PIBF1: variants seen among roughly 807,000 people sequenced by gnomAD.
The protein encoded by PIBF1 is progesterone immunomodulatory binding factor 1.
PIBF1 carries 90 observed loss-of-function variants against 112.5 expected under a neutral mutation model. That is an observed-to-expected ratio of 0.80 (90% CI 0.67 to 0.95). The LOEUF (loss-of-function observed/expected upper bound fraction) is 0.95. PIBF1 is among the 40% of genes least tolerant of loss of function. The pLI is 0.00. For missense variants in PIBF1, 915 were observed against 852.3 expected (o/e 1.07, Z -0.92); for synonymous variants, 301 against 288.6 (o/e 1.04, Z -0.44).
At chr13:73,002,930 C>G (rs2043916288) in intron 17 of PIBF1, among the ~76,000 whole-genome samples, 2 of 123,506 alleles carry the variant, frequency 1.6e-5, no homozygotes, top group African/African-American at 6.4e-5. Flanking sequence ...GTTGCATGAG[C>G]CAAGATCATG....
chr13:72,829,148 G>A (rs1291001259), intron 8 of PIBF1, among the ~76,000 whole-genome samples: 2 of 152,118 alleles, frequency 1.3e-5, no homozygotes, highest in Non-Finnish European at 2.9e-5. Flanking sequence ...TTGTAAATTT[G>A]TTTAAGTTCT....
intron 10 of PIBF1, among the ~76,000 whole-genome samples, chr13:72,863,429 A>G (rs1183648239): frequency 6.6e-6 from 1 of 152,086 alleles, no homozygotes; most frequent in Non-Finnish European, 1.5e-5. Flanking sequence ...AGGTGGGCGG[A>G]TCACGAGGTC....
Position 72,876,134 on chromosome 13 carries a change from C to CTT in PIBF1, c.1323-17632_1323-17631dup, listed in dbSNP as rs386363749. Among the ~76,000 whole-genome samples, 13 of 91,212 alleles carry CTT rather than the reference C, an allele frequency of 1.4e-4. 1 individual carries two copies. The highest frequency in any genetic ancestry group is 2.2e-4 in the Non-Finnish European group (11 of 50,430). 59.8% of individuals were successfully genotyped at this position (91,212 alleles called of 152,430 possible). ...AAAGGTGTAAGTCTGTGTTCAGATT[C>CTT]TTTTTTTTTTTTTTTTTTTGCATGT... On this transcript the variant is annotated intron_variant, in intron 10 of 17. Coordinates refer to ENST00000326291, the MANE Select transcript of PIBF1 (RefSeq NM_006346.4).
At chr13:72,981,188 G>C (rs1361639501) in intron 16 of PIBF1, among the ~76,000 whole-genome samples, 2 of 151,788 alleles carry the variant, frequency 1.3e-5, no homozygotes, top group Non-Finnish European at 2.9e-5. Flanking sequence ...GAGGTTGGAG[G>C]TTGCAGTGAA....
chr13:72,899,677 C>G (rs1269036114), intron 11 of PIBF1, among the ~76,000 whole-genome samples: 3 of 152,046 alleles, frequency 2.0e-5, no homozygotes, highest in Non-Finnish European at 4.4e-5. Flanking sequence ...TGAAAGCATC[C>G]CTGCTGAGAA....
intron 8 of PIBF1, among the ~76,000 whole-genome samples, chr13:72,831,640 T>A (rs752502448): frequency 1.3e-4 from 20 of 152,202 alleles, no homozygotes; most frequent in Non-Finnish European, 2.9e-4. Context: ...CAGTTTGTTA[T>A]GATTTCTGTT....
chr13:72,804,874 T>G (rs1189553277), intron 5 of PIBF1, among the ~76,000 whole-genome samples: 1 of 152,186 alleles, frequency 6.6e-6, no homozygotes, highest in East Asian at 1.9e-4. Flanking sequence ...TAAAAGGAAG[T>G]GTTACTTTGT....
chr13:72,851,058 T>C (rs189347927), intron 9 of PIBF1, among the ~76,000 whole-genome samples: 199 of 152,336 alleles, frequency 1.3e-3, no homozygotes, highest in African/African-American at 4.4e-3. Context: ...GTTGTTAATA[T>C]TGATGGCAGC....
At chr13:73,008,756 C>T (rs762548615) in intron 17 of PIBF1, among the ~76,000 whole-genome samples, 2 of 152,208 alleles carry the variant, frequency 1.3e-5, no homozygotes, top group Non-Finnish European at 2.9e-5. Context: ...TGGCTAGAAC[C>T]TGTGCTTTAA....
At chr13:72,791,923 C>G (rs914854288) in intron 2 of PIBF1, among the ~76,000 whole-genome samples, 1 of 151,642 alleles carries the variant, frequency 6.6e-6, no homozygotes. Context: ...CGTGAGCCAC[C>G]GCACCCAGCT....
intron 12 of PIBF1, among the ~76,000 whole-genome samples, chr13:72,912,783 G>A (rs1273170740): frequency 1.3e-5 from 2 of 151,974 alleles, no homozygotes; most frequent in Admixed American, 6.6e-5. Flanking sequence ...TCACTGGAAG[G>A]AAACAATTGA....
At chr13:72,934,716 T>C (rs1173922004) in intron 14 of PIBF1, among the ~76,000 whole-genome samples, 1 of 152,166 alleles carries the variant, frequency 6.6e-6, no homozygotes, top group Non-Finnish European at 1.5e-5. Flanking sequence ...AATACTCCCC[T>C]TTTTAGCAGC....
intron 16 of PIBF1, among the ~76,000 whole-genome samples, chr13:72,987,949 GCC>G (rs1179794965): frequency 4.0e-4 from 50 of 124,806 alleles, no homozygotes; most frequent in Admixed American, 1.8e-3. Flanking sequence ...TGCAACCTCC[GCC>G]CCCCGGGTTT....
At chr13:72,853,983 G>A in intron 9 of PIBF1, 74 bp from the exon 10 acceptor site, 1 of 1,118,236 alleles carries the variant, frequency 8.9e-7, no homozygotes, top group South Asian at 1.3e-5. Flanking sequence ...AAGATTGTCA[G>A]ATAGTCCATC....
intron 11 of PIBF1, among the ~76,000 whole-genome samples, chr13:72,902,875 T>C (rs1484986592): frequency 6.6e-6 from 1 of 151,542 alleles, no homozygotes; most frequent in Non-Finnish European, 1.5e-5. Context: ...TCAATATACA[T>C]AGAAAAACAT....
chr13:72,855,924 A>G (rs1468646639), intron 10 of PIBF1, among the ~76,000 whole-genome samples: 1 of 152,242 alleles, frequency 6.6e-6, no homozygotes. Context: ...TTTAAAAGAA[A>G]ACGTAAGATA....
rs1391466475 is a variant in PIBF1 at position 72,917,154 on chromosome 13, G to T, written c.1718G>T (p.Arg573Leu). 1.3e-6 allele frequency: 2 copies of T among 1,578,202 alleles called. No homozygotes were observed. Among genetic ancestry groups the T allele is most frequent in the Non-Finnish European group, 1.7e-6 (2 of 1,160,684 alleles). The part of the protein sequence containing the change: ...GANVPTTAKR[R>L]LKQSVHLARR... ...AATGTTCCCACAACAGCCAAAAGAC[G>T]ACTAAAGCAAAGGTAAAATCAATAT... The change falls in exon 13 of 18, where the codon CGA becomes CTA. Residue 573 changes from arginine (R) to leucine (L), a missense_variant. Coordinates refer to ENST00000326291, the MANE Select transcript of PIBF1 (RefSeq NM_006346.4).
intron 9 of PIBF1, among the ~76,000 whole-genome samples, chr13:72,836,920 C>T (rs891579429): frequency 6.6e-6 from 1 of 152,076 alleles, no homozygotes; most frequent in Non-Finnish European, 1.5e-5. Flanking sequence ...GAACTTCAAA[C>T]ACTGAACACA....
chr13:72,932,699 G>GT (rs2041748411), intron 14 of PIBF1, among the ~76,000 whole-genome samples: 1 of 152,180 alleles, frequency 6.6e-6, no homozygotes, highest in Non-Finnish European at 1.5e-5. Flanking sequence ...ACAGACATAG[G>GT]TAAACTCAAG....
Sources: gnomAD v4.1 joint callset for allele counts (sites outside exome capture counted in the v4.1 genomes callset) on GRCh38, gnomAD v4.1.1 for gene constraint, MANE v1.5 for transcripts, NCBI Gene and HGNC (gene_info 2026-07-23, HGNC 2026-07-21) for gene names.